The following PLAGL1 variants were observed in gnomAD, a reference collection of about 807,000 sequenced individuals.
PLAGL1 encodes PLAG1 like zinc finger 1.
Under a neutral mutation model 4.6 loss-of-function variants are expected in PLAGL1, and 1 was observed. The observed-to-expected ratio is 0.22, with a 90% CI of 0.08 to 1.03. PLAGL1 has a LOEUF of 1.03. PLAGL1 is among the 50% of genes least tolerant of loss of function. The pLI is 0.58. For missense variants in PLAGL1, 464 were observed against 570.4 expected, an observed-to-expected ratio of 0.81 and a Z score of 1.90; for synonymous variants, 240 against 237.8, an observed-to-expected ratio of 1.01 and a Z score of -0.08.
At chr6:143,943,030 A>ACTTTT (rs1411368035) in intron 7 of PLAGL1, among the ~76,000 whole-genome samples, 1 of 7,298 alleles carries the variant, frequency 1.4e-4, no homozygotes, top group Non-Finnish European at 2.9e-4. Flanking sequence ...AGGCCTGGCT[A>ACTTTT]ATTTTTTTTT....
Position 143,942,759 on chromosome 6 carries a change from T to C in PLAGL1, c.153-96A>G. ...TTATATCAAAATGTTAATAGTTTTC[T>C]CTGGGTCTTGGTATAATTTTCAAAA... is the stretch of plus-strand genomic sequence containing the variant. On this transcript the variant is annotated intron_variant, in intron 7 of 7. Coordinates refer to ENST00000674357, the MANE Select transcript of PLAGL1 (RefSeq NM_001317162.2). This position sits in a 1 kb window ranked among gnomAD's most constrained non-coding sequence, Gnocchi z 7.6. 1.2e-6 allele frequency: 1 copy of C among 865,842 alleles called. No individual in the cohort carries two copies. Among genetic ancestry groups the C allele is most frequent in the Non-Finnish European group, 1.7e-6 (1 of 577,974 alleles). 53.6% of individuals were successfully genotyped at this position (865,842 alleles called of 1,614,324 possible). A position where few individuals can be genotyped will look rare whatever the true frequency, so the allele number is the denominator to read the frequency against.
At chr6:144,023,095 AACTT>A (rs1796088001) in intron 1 of PLAGL1, among the ~76,000 whole-genome samples, 2 of 152,362 alleles carry the variant, frequency 1.3e-5, no homozygotes, top group South Asian at 4.1e-4. Flanking sequence ...CCATGGAAGA[AACTT>A]AATGCATACT....
intron 1 of PLAGL1, among the ~76,000 whole-genome samples, chr6:144,044,726 C>T (rs866013640): frequency 1.3e-5 from 2 of 152,118 alleles, no homozygotes; most frequent in African/African-American, 2.4e-5. Flanking sequence ...TCCTGGATAT[C>T]CTTGTTAACC....
At chr6:143,944,897 A>T (rs1377437112) in intron 7 of PLAGL1, among the ~76,000 whole-genome samples, 1 of 148,536 alleles carries the variant, frequency 6.7e-6, no homozygotes, top group Non-Finnish European at 1.5e-5. Flanking sequence ...ATTTGATTTC[A>T]TTTATCACCC....
rs1420829740 is a variant in PLAGL1, at chr6:144,016,202, GAGGAGAA to G, written c.-150-47231_-150-47225del. ...TCCCACAATAGGCTGTCTGCAAGCT[GAGGAGAA>G]AGGAGAGCCAGTCCGAGTCCCAAAA... On this transcript the variant is annotated intron_variant, in intron 1 of 3. Transcript: ENST00000437412. The surrounding 1 kb of genome is among the most constrained non-coding windows in gnomAD (Gnocchi z 4.2). 1.3e-5 allele frequency among the ~76,000 whole-genome samples: 2 copies of G among 152,176 alleles called. No homozygotes were observed. The highest frequency in any genetic ancestry group is 2.4e-5 in the African/African-American group (1 of 41,440).
chr6:144,043,322 A>ATTATTTAT (rs1419118867), intron 1 of PLAGL1, among the ~76,000 whole-genome samples: 1 of 152,196 alleles, frequency 6.6e-6, no homozygotes, highest in African/African-American at 2.4e-5. Flanking sequence ...TGTCATAAAT[A>ATTATTTAT]GCTCTTATTA....
chr6:143,946,750 A>G (rs1028739694), intron 7 of PLAGL1, among the ~76,000 whole-genome samples: 1 of 152,304 alleles, frequency 6.6e-6, no homozygotes, highest in Admixed American at 6.5e-5. Flanking sequence ...GGCTCTCTCC[A>G]GGCGTTTGTA....
rs1198023404 is a variant in PLAGL1 at position 143,954,036 on chromosome 6, T to G, written c.-324-5576A>C. On this transcript the variant is annotated intron_variant, in intron 6 of 7. Transcript: ENST00000674357. The surrounding 1 kb of genome is among the most constrained non-coding windows in gnomAD (Gnocchi z 5.1). ...TGACACAGGGTGAATGTCCTCTCTC[T>G]CAGGGCAGGAGGATGGAGGAGTCTT... is the stretch of plus-strand genomic sequence containing the variant. Among the ~76,000 whole-genome samples, 1 of 152,106 alleles carries G rather than the reference T, an allele frequency of 6.6e-6. No homozygotes were observed. Among genetic ancestry groups the G allele is most frequent in the Non-Finnish European group, 1.5e-5 (1 of 68,020 alleles).
chr6:144,036,682 T>G lies in PLAGL1; in HGVS notation c.-151+27786A>C, dbSNP rs1797270932. The stretch of plus-strand genomic sequence containing the variant: ...GTTTTAACTTGTGAGGCTTCTTCAC[T>G]ACTCAGGGACGAAAGAAAGAGGAAA... On this transcript the variant is annotated intron_variant, in intron 1 of 3. Transcript: ENST00000437412. The surrounding 1 kb of genome is among the most constrained non-coding windows in gnomAD (Gnocchi z 5.1). The G allele has an allele frequency of 4.1e-6, 1 of 242,758 alleles. No individual in the cohort carries two copies. Among genetic ancestry groups the G allele is most frequent in the Admixed American group, 5.8e-5 (1 of 17,188 alleles). The allele number at this position is 242,758 out of a possible 1,614,324, so 15.0% of individuals were successfully genotyped here. A position where few individuals can be genotyped will look rare whatever the true frequency, so the allele number is the denominator to read the frequency against.
Position 143,942,721 on chromosome 6 carries a change from T to G in PLAGL1, c.153-58A>C, listed in dbSNP as rs1583020547. The G allele has an allele frequency of 6.3e-6, 8 of 1,261,538 alleles. No homozygotes were observed. The East Asian group carries it at 1.9e-4, about 29-fold the overall frequency. The allele number at this position is 1,261,538 out of a possible 1,614,324, so 78.1% of individuals were successfully genotyped here. ...AGTTGTTTTAAGAGCTGAAGAAAGG[T>G]GTAGCAACAATATTATATCAAAATG... On this transcript the variant is annotated intron_variant, in intron 7 of 7. Coordinates refer to ENST00000674357, the MANE Select transcript of PLAGL1 (RefSeq NM_001317162.2). The surrounding 1 kb of genome is among the most constrained non-coding windows in gnomAD (Gnocchi z 7.6).
chr6:143,956,204 C>G (rs1308443549), intron 6 of PLAGL1, among the ~76,000 whole-genome samples: 1 of 152,308 alleles, frequency 6.6e-6, no homozygotes, highest in East Asian at 1.9e-4. Context: ...CAATGTTTTC[C>G]TCCTAGAGTG....
rs1339266363 is a variant in PLAGL1 at position 143,950,433 on chromosome 6, G to C, written c.-324-1973C>G. ...GAATTCTATTCCGCCTGCCGAGTTT[G>C]CTCTGCTAGGTATCATGATCTGTTC... On this transcript the variant is annotated intron_variant, in intron 6 of 7. Coordinates refer to ENST00000674357, the MANE Select transcript of PLAGL1 (RefSeq NM_001317162.2). The surrounding 1 kb of genome is among the most constrained non-coding windows in gnomAD (Gnocchi z 6.3). Among the ~76,000 whole-genome samples, 1 of 152,116 alleles carries C rather than the reference G, an allele frequency of 6.6e-6. No homozygotes were observed. The highest frequency in any genetic ancestry group is 1.5e-5 in the Non-Finnish European group (1 of 68,038).
At chr6:143,980,388 GT>G (rs71024882) in intron 2 of PLAGL1, among the ~76,000 whole-genome samples, 76,163 of 133,212 alleles carry the variant, frequency 0.57, 21,224 homozygotes, top group Non-Finnish European at 0.65. Flanking sequence ...CTTTTTTCTA[GT>G]TTTTTTTTTT....
rs1780074154 is a variant in PLAGL1, at chr6:143,947,669, T to C, written c.152+316A>G. On this transcript the variant is annotated intron_variant, in intron 7 of 7. Transcript: ENST00000674357. The surrounding 1 kb of genome is among the most constrained non-coding windows in gnomAD (Gnocchi z 4.3). ...GTTTCATCAGGCAGTGAAGAACAAC[T>C]TCTACCACCTGTATAGCTCTGTCAA... 6.6e-6 allele frequency among the ~76,000 whole-genome samples: 1 copy of C among 152,220 alleles called. No individual in the cohort carries two copies. Among genetic ancestry groups the C allele is most frequent in the African/African-American group, 2.4e-5 (1 of 41,464 alleles).
In PLAGL1 at chr6:143,941,730, G is replaced by A; in HGVS notation, c.1086C>T (p.Pro362=). The change falls in exon 8 of 8, where the codon CCC becomes CCT. Residue 362 remains proline, a synonymous_variant. Coordinates refer to ENST00000674357, the MANE Select transcript of PLAGL1 (RefSeq NM_001317162.2). The surrounding 1 kb of genome is among the most constrained non-coding windows in gnomAD (Gnocchi z 6.0). The stretch of plus-strand genomic sequence containing the variant: ...TCACAGCATCTGCAGGCAGCTCCTT[G>A]GGCAGGTTTACTTTACCAGCATTTC... ...AKGNAGKVNL[P]KELPADAVNL... 6.2e-7 allele frequency: 1 copy of A among 1,614,206 alleles called. No homozygotes were observed. The highest frequency in any genetic ancestry group is 8.5e-7 in the Non-Finnish European group (1 of 1,180,030).
rs1027755104 is a variant in PLAGL1 at position 144,022,853 on chromosome 6, A to G, written c.-151+41615T>C. On this transcript the variant is annotated intron_variant, in intron 1 of 3. Transcript: ENST00000437412. The surrounding 1 kb of genome is among the most constrained non-coding windows in gnomAD (Gnocchi z 4.2). Reference sequence around the variant, plus strand: ...AGCATGAGAACAGACTAATACACACAGACTTCCCATACTACCCAGCAATCA... The same window carrying G: ...AGCATGAGAACAGACTAATACACACGGACTTCCCATACTACCCAGCAATCA... Among the ~76,000 whole-genome samples the G allele has an allele frequency of 6.6e-6, 1 of 152,206 alleles. No individual in the cohort carries two copies. The highest frequency in any genetic ancestry group is 2.4e-5 in the African/African-American group (1 of 41,450).
intron 1 of PLAGL1, among the ~76,000 whole-genome samples, chr6:144,024,198 C>A (rs1258250465): frequency 1.3e-5 from 2 of 152,224 alleles, no homozygotes; most frequent in Non-Finnish European, 2.9e-5. Context: ...CAGTGACACT[C>A]TGCTGATGGT....
rs894991530 is a variant in PLAGL1, at chr6:144,053,196, G to A, written c.-151+11272C>T. Among the ~76,000 whole-genome samples the A allele has an allele frequency of 3.9e-5, 6 of 152,040 alleles. No individual in the cohort carries two copies. Among genetic ancestry groups the A allele is most frequent in the Non-Finnish European group, 5.9e-5 (4 of 68,008 alleles). On this transcript the variant is annotated intron_variant, in intron 1 of 3. Coordinates refer to the PLAGL1 transcript ENST00000437412. The surrounding 1 kb of genome is among the most constrained non-coding windows in gnomAD (Gnocchi z 4.0). ...GTCGCCCAGGCTGGAGTGCAGTGGCGCAATTTTGGCTTACTGCAACCTCTG... is the reference window on the plus strand; with the variant it reads ...GTCGCCCAGGCTGGAGTGCAGTGGCACAATTTTGGCTTACTGCAACCTCTG...
At chr6:144,045,894 T>C (rs1798109538) in intron 1 of PLAGL1, among the ~76,000 whole-genome samples, 1 of 152,232 alleles carries the variant, frequency 6.6e-6, no homozygotes, top group Non-Finnish European at 1.5e-5. Context: ...TTTCTTTTAC[T>C]CTTTTTTCTC....
Sources: gnomAD v4.1 joint callset for allele counts (sites outside exome capture counted in the v4.1 genomes callset) on GRCh38, gnomAD v4.1.1 for gene constraint, Gnocchi (gnomAD v3.1) non-coding constraint, MANE v1.5 for transcripts, NCBI Gene and HGNC (gene_info 2026-07-23, HGNC 2026-07-21) for gene names.